PKIB: variants seen among roughly 807,000 people sequenced by gnomAD.
PKIB encodes the protein cAMP-dependent protein kinase inhibitor beta.
Under a neutral mutation model 4.5 loss-of-function variants are expected in PKIB, and 2 were observed. That is an observed-to-expected ratio of 0.44 (90% CI 0.18 to 1.39). The LOEUF is 1.39. PKIB is among the 40% of genes most tolerant of loss of function. PKIB has a pLI of 0.27. For synonymous variants in PKIB, 38 were observed against 36.0 expected (o/e 1.06, Z -0.20); for missense variants, 94 against 92.6 (o/e 1.02, Z -0.06).
intron 2 of PKIB, among the ~76,000 whole-genome samples, chr6:122,651,291 C>G (rs905060419): frequency 4.6e-5 from 7 of 152,164 alleles, no homozygotes; most frequent in Non-Finnish European, 1.0e-4. Flanking sequence ...TTGGAAAACT[C>G]ATGCAATTCG....
At chr6:122,607,535 A>C (rs1774585162), upstream of PKIB, among the ~76,000 whole-genome samples, 1 of 152,108 alleles carries the variant, frequency 6.6e-6, no homozygotes, top group African/African-American at 2.4e-5. Flanking sequence ...AACAACACGT[A>C]GATCCCTGCT....
chr6:122,671,694 A>C (rs1311989805), intron 2 of PKIB, among the ~76,000 whole-genome samples: 1 of 152,130 alleles, frequency 6.6e-6, no homozygotes, highest in Non-Finnish European at 1.5e-5. Flanking sequence ...AAACTTTGAT[A>C]TTTTGTTCAT....
chr6:122,606,459 C>T (rs1774537637), upstream of PKIB, among the ~76,000 whole-genome samples: 1 of 151,114 alleles, frequency 6.6e-6, no homozygotes, highest in South Asian at 2.1e-4. Context: ...GTAATCCGTG[C>T]TACTTGGGAG....
intron 2 of PKIB, among the ~76,000 whole-genome samples, chr6:122,536,486 G>C (rs1777410830): frequency 6.6e-6 from 1 of 152,110 alleles, no homozygotes; most frequent in Non-Finnish European, 1.5e-5. Flanking sequence ...TAGATTGAAG[G>C]ATGCCAAGGA....
intron 2 of PKIB, among the ~76,000 whole-genome samples, chr6:122,553,478 C>CTTATTTTTTTTTTTTTTTT: frequency 2.0e-5 from 1 of 48,920 alleles, no homozygotes; most frequent in East Asian, 4.8e-4. Flanking sequence ...GCTCAAATAT[C>CTTATTTTTTTTTTTTTTTT]TTCTTTTTTT....
chr6:122,687,529 G>T (rs746698509), intron 3 of PKIB, among the ~76,000 whole-genome samples: 1 of 152,066 alleles, frequency 6.6e-6, no homozygotes, highest in African/African-American at 2.4e-5. Context: ...TTTTCATAGG[G>T]ACTGTATTTA....
intron 3 of PKIB, among the ~76,000 whole-genome samples, chr6:122,715,159 G>A (rs1250621058): frequency 6.6e-6 from 1 of 151,716 alleles, no homozygotes; most frequent in Non-Finnish European, 1.5e-5. Flanking sequence ...CATTTAAAAT[G>A]TCCCATCTTG....
At chr6:122,551,093 T>A (rs1423895572) in intron 2 of PKIB, among the ~76,000 whole-genome samples, 1 of 152,178 alleles carries the variant, frequency 6.6e-6, no homozygotes, top group Non-Finnish European at 1.5e-5. Context: ...ATTTCACTTA[T>A]ATGCTTGAGT....
In PKIB at chr6:122,503,758, G is replaced by T. The variant is rs373610173; in HGVS notation, c.-248+25819G>T. 2.8e-3 allele frequency among the ~76,000 whole-genome samples: 421 copies of T among 152,242 alleles called. 2 individuals are homozygous for T. The highest frequency in any genetic ancestry group is 9.5e-3 in the African/African-American group (395 of 41,528). ...AGCAATGGAGGATCCTGGCTGGTGA[G>T]ACACAGTGATTTTTAACACCTCACC... On this transcript the variant is annotated intron_variant, in intron 2 of 6. Coordinates refer to the PKIB transcript ENST00000392491.
chr6:122,550,389 AATT>A, intron 2 of PKIB, among the ~76,000 whole-genome samples: 1 of 152,284 alleles, frequency 6.6e-6, no homozygotes, highest in South Asian at 2.1e-4. Flanking sequence ...TTATTGCTTA[AATT>A]ATTATGAATA....
At chr6:122,544,407 G>A (rs1444128694) in intron 2 of PKIB, among the ~76,000 whole-genome samples, 1 of 151,692 alleles carries the variant, frequency 6.6e-6, no homozygotes, top group African/African-American at 2.4e-5. Context: ...TAGCTAAATT[G>A]TCTGAGCATA....
intron 2 of PKIB, chr6:122,644,475 G>C (rs527331096): frequency 6.6e-6 from 1 of 152,102 alleles, no homozygotes. Flanking sequence ...TTTATTATTA[G>C]CTGTGTGACA....
chr6:122,663,565 G>A (rs1777098017), intron 2 of PKIB, among the ~76,000 whole-genome samples: 1 of 152,160 alleles, frequency 6.6e-6, no homozygotes, highest in African/African-American at 2.4e-5. Context: ...ATGCCTAGAG[G>A]GGAGGATCCT....
chr6:122,675,310 CA>C (rs951468932), intron 3 of PKIB, among the ~76,000 whole-genome samples, 166 bp downstream of exon 3: 3 of 152,100 alleles, frequency 2.0e-5, no homozygotes, highest in African/African-American at 7.2e-5. Flanking sequence ...CCTCAAACAA[CA>C]AAATAAATAA....
rs118070814 is a variant in PKIB at position 122,655,437 on chromosome 6, T to C, written c.-75-19641T>C. Among the ~76,000 whole-genome samples the C allele has an allele frequency of 5.4e-3, 823 of 152,312 alleles. 3 individuals are homozygous for C. The highest frequency in any genetic ancestry group is 0.01 in the Non-Finnish European group (711 of 68,016). On this transcript the variant is annotated intron_variant, in intron 2 of 4. Transcript: ENST00000368452. ...AAGAGATCCAGGAGAACTCCCTCTC[T>C]TTTCCTCATGTGAGGATACAGCAAG...
At chr6:122,672,146 C>A (rs1347507738) in intron 2 of PKIB, among the ~76,000 whole-genome samples, 1 of 152,090 alleles carries the variant, frequency 6.6e-6, no homozygotes, top group Admixed American at 6.6e-5. Flanking sequence ...TGTTCCATCT[C>A]CAGCCTGGTA....
At chr6:122,497,224 G>C (rs1776097744) in intron 2 of PKIB, among the ~76,000 whole-genome samples, 1 of 152,226 alleles carries the variant, frequency 6.6e-6, no homozygotes, top group African/African-American at 2.4e-5. Flanking sequence ...GATTATTCAG[G>C]AAGTTTAAAC....
intron 2 of PKIB, among the ~76,000 whole-genome samples, chr6:122,535,414 T>G (rs568700161): frequency 6.6e-6 from 1 of 152,350 alleles, no homozygotes; most frequent in South Asian, 2.1e-4. Context: ...AATAATTCTT[T>G]ACTATTTTAT....
chr6:122,593,879 T>A (rs1022161434), intron 3 of PKIB, among the ~76,000 whole-genome samples: 4 of 152,092 alleles, frequency 2.6e-5, no homozygotes, highest in Non-Finnish European at 5.9e-5. Context: ...CAAATGTTAG[T>A]CTCTTTTGGC....
Sources: gnomAD v4.1 joint callset for allele counts (sites outside exome capture counted in the v4.1 genomes callset) on GRCh38, gnomAD v4.1.1 for gene constraint, MANE v1.5 for transcripts, NCBI Gene and HGNC (gene_info 2026-07-23, HGNC 2026-07-21) for gene names.